CNTNAP2: variants seen among roughly 807,000 people sequenced by gnomAD.
The protein encoded by CNTNAP2 is contactin associated protein 2.
Under a neutral mutation model 155.2 loss-of-function variants are expected in CNTNAP2, and 98 were observed. The observed-to-expected ratio is 0.63, with a 90% confidence interval of 0.54 to 0.75. The LOEUF (loss-of-function observed/expected upper bound fraction) is 0.75. Among genes scored for constraint, CNTNAP2 ranks in the 30% least tolerant of loss-of-function variants. CNTNAP2 has a pLI of 0.00. For missense variants in CNTNAP2, 1,727 were observed against 1,688.1 expected (o/e 1.02, Z -0.40); for synonymous variants, 651 against 631.2 (o/e 1.03, Z -0.47).
At chr7:147,660,714 G>C (rs1045956718) in intron 13 of CNTNAP2, among the ~76,000 whole-genome samples, 1 of 151,996 alleles carries the variant, frequency 6.6e-6, no homozygotes, top group African/African-American at 2.4e-5. Context: ...AATAAGACCT[G>C]GTCCCTTAAG....
At chr7:147,850,021 C>G (rs1231966819) in intron 13 of CNTNAP2, 1 of 152,190 alleles carries the variant, frequency 6.6e-6, no homozygotes, top group East Asian at 1.9e-4. Flanking sequence ...CCTTCAAGCA[C>G]AGCTTAATTA....
intron 2 of CNTNAP2, among the ~76,000 whole-genome samples, chr7:146,780,572 C>T (rs1802467984): frequency 6.6e-6 from 1 of 152,132 alleles, no homozygotes. Flanking sequence ...TCTCTAATGA[C>T]CAGTGATGAT....
chr7:147,685,525 A>G (rs1300237820), intron 13 of CNTNAP2, among the ~76,000 whole-genome samples: 1 of 152,010 alleles, frequency 6.6e-6, no homozygotes, highest in Non-Finnish European at 1.5e-5. Flanking sequence ...TCATTCATTC[A>G]TTCAAAAAAT....
At chr7:146,369,825 G>A (rs1358876348) in intron 1 of CNTNAP2, among the ~76,000 whole-genome samples, 1 of 151,958 alleles carries the variant, frequency 6.6e-6, no homozygotes, top group Non-Finnish European at 1.5e-5. Flanking sequence ...ACAAGTTACT[G>A]TTTATCTTTG....
At chr7:147,941,862 G>A (rs1010656159) in intron 14 of CNTNAP2, among the ~76,000 whole-genome samples, 10 of 152,172 alleles carry the variant, frequency 6.6e-5, no homozygotes, top group African/African-American at 2.4e-4. Context: ...GGATTTAAAT[G>A]ATTACGCTGG....
intron 8 of CNTNAP2, among the ~76,000 whole-genome samples, chr7:147,137,095 G>T (rs912528176): frequency 6.6e-6 from 1 of 151,694 alleles, no homozygotes; most frequent in South Asian, 2.1e-4. Context: ...AGAAAATAAA[G>T]AAGCACCCAG....
chr7:147,095,695 T>C (rs1430483984), intron 4 of CNTNAP2, among the ~76,000 whole-genome samples: 2 of 152,114 alleles, frequency 1.3e-5, no homozygotes, highest in Non-Finnish European at 2.9e-5. Flanking sequence ...TTTATAATCA[T>C]ATACCTTACC....
At chr7:147,559,327 G>A (rs1239261669) in intron 11 of CNTNAP2, among the ~76,000 whole-genome samples, 1 of 152,216 alleles carries the variant, frequency 6.6e-6, no homozygotes, top group African/African-American at 2.4e-5. Context: ...ACATTGGCAA[G>A]CAGCTGAAGC....
chr7:146,544,713 G>C (rs1798004034), intron 1 of CNTNAP2, among the ~76,000 whole-genome samples: 1 of 145,910 alleles, frequency 6.9e-6, no homozygotes, highest in African/African-American at 2.6e-5. Flanking sequence ...AGAGTGCCTT[G>C]AAGGAGTTGA....
chr7:147,980,491 G>C (rs1801502406), intron 15 of CNTNAP2, among the ~76,000 whole-genome samples: 1 of 152,114 alleles, frequency 6.6e-6, no homozygotes, highest in Non-Finnish European at 1.5e-5. Context: ...AACAGTTAAT[G>C]GCAATTATGT....
chr7:146,840,002 G>A, intron 3 of CNTNAP2, 98 bp downstream of exon 3: 7 of 1,367,224 alleles, frequency 5.1e-6, no homozygotes, highest in South Asian at 1.3e-5. Flanking sequence ...CAATATTTAT[G>A]TATTCAAATC....
intron 8 of CNTNAP2, among the ~76,000 whole-genome samples, chr7:147,273,439 G>A (rs1804807647): frequency 1.3e-5 from 2 of 151,796 alleles, no homozygotes; most frequent in African/African-American, 4.8e-5. Flanking sequence ...TGAAATTTGG[G>A]CTACTAGGGC....
chr7:146,296,836 A>C (rs569486619), intron 1 of CNTNAP2, among the ~76,000 whole-genome samples: 1 of 152,142 alleles, frequency 6.6e-6, no homozygotes, highest in Non-Finnish European at 1.5e-5. Context: ...TGCATAAATT[A>C]TATATATGTA....
At chr7:147,798,259 G>A (rs117520370) in intron 13 of CNTNAP2, among the ~76,000 whole-genome samples, 4,943 of 152,064 alleles carry the variant, frequency 0.033, 138 homozygotes, top group Non-Finnish European at 0.052. Flanking sequence ...TTTCCCTTAT[G>A]GATACCACCC....
intron 16 of CNTNAP2, among the ~76,000 whole-genome samples, chr7:148,138,651 T>G (rs1248819622): frequency 6.6e-6 from 1 of 152,200 alleles, no homozygotes; most frequent in African/African-American, 2.4e-5. Flanking sequence ...TCAGAGTTTC[T>G]CTAAAGCAGC....
chr7:146,304,899 G>T (rs1014229491), intron 1 of CNTNAP2, among the ~76,000 whole-genome samples: 2 of 152,012 alleles, frequency 1.3e-5, no homozygotes, highest in Non-Finnish European at 2.9e-5. Flanking sequence ...CTCACTTTCA[G>T]GTACACCAAT....
chr7:146,117,706 T>TTG (rs986558014), intron 1 of CNTNAP2, among the ~76,000 whole-genome samples: 15 of 151,620 alleles, frequency 9.9e-5, no homozygotes, highest in African/African-American at 1.7e-4. Flanking sequence ...GTGTGTGTGT[T>TTG]TGTGTGTGTG....
In CNTNAP2 at chr7:148,278,994, A is replaced by G. The variant is rs572953252; in HGVS notation, c.3475+11868A>G. ...TTGTTCAAGGACAGGAAGAAAACCAACATGGCTGGAATACAGCCATCAAGG... is the reference window on the plus strand; with the variant it reads ...TTGTTCAAGGACAGGAAGAAAACCAGCATGGCTGGAATACAGCCATCAAGG... On this transcript the variant is annotated intron_variant, in intron 21 of 23. Transcript: ENST00000361727. Among the ~76,000 whole-genome samples, 3 of 152,316 alleles carry G rather than the reference A, an allele frequency of 2.0e-5. No homozygotes were observed. The South Asian group carries it at 6.2e-4, about 32-fold the overall frequency.
At chr7:147,593,160 T>C (rs1800770533) in intron 12 of CNTNAP2, among the ~76,000 whole-genome samples, 2 of 151,624 alleles carry the variant, frequency 1.3e-5, no homozygotes, top group South Asian at 2.1e-4. Flanking sequence ...GACATTATAA[T>C]TGTAGGGAAA....
Sources: allele counts gnomAD v4.1 joint callset (sites outside exome capture counted in the v4.1 genomes callset), GRCh38; gene constraint gnomAD v4.1.1; transcripts MANE v1.5; gene names NCBI Gene and HGNC (gene_info 2026-07-23, HGNC 2026-07-21).